The following PSMD12 variants were observed in gnomAD, a reference collection of about 807,000 sequenced individuals.
PSMD12 encodes the protein proteasome 26S subunit, non-ATPase 12.
A neutral mutation model predicts 62.9 loss-of-function variants in PSMD12; 8 were observed. The observed-to-expected ratio is 0.13, with a 90% CI of 0.07 to 0.23. PSMD12 has a LOEUF of 0.23. Among genes scored for constraint, PSMD12 ranks in the 10% least tolerant of loss-of-function variants. The probability of loss-of-function intolerance (pLI) is 1.00; values close to 1 mark genes in which losing one functional copy is unlikely to be tolerated. For synonymous variants in PSMD12, 173 were observed against 187.4 expected, an observed-to-expected ratio of 0.92 and a Z score of 0.63; for missense variants, 424 against 550.2, an observed-to-expected ratio of 0.77 and a Z score of 2.29.
intron 4 of PSMD12, among the ~76,000 whole-genome samples, chr17:67,349,630 C>G (rs1181357834): frequency 6.6e-6 from 1 of 152,172 alleles, no homozygotes; most frequent in South Asian, 2.1e-4. Flanking sequence ...TACTCTAATT[C>G]TGACTTATCT....
intron 8 of PSMD12, among the ~76,000 whole-genome samples, chr17:67,345,326 C>T (rs901851486): frequency 1.1e-4 from 16 of 152,092 alleles, no homozygotes; most frequent in Non-Finnish European, 2.1e-4. Flanking sequence ...CTCTAGTATA[C>T]GCTATCAGTA....
At chr17:67,366,315 T>A (rs1048235369) in intron 1 of PSMD12, 97 bp downstream of exon 1, 8 of 1,175,428 alleles carry the variant, frequency 6.8e-6, no homozygotes, top group Non-Finnish European at 9.6e-6. Context: ...CATTGGGGGG[T>A]GCACGCTCCA....
chr17:67,339,440 G>A lies in PSMD12; in HGVS notation c.*1403C>T, dbSNP rs2041890298. On this transcript the variant is annotated 3_prime_UTR_variant, in exon 11 of 11. Transcript: ENST00000356126. The stretch of plus-strand genomic sequence containing the variant: ...AAAAAGATAAGTGATAGCAGATGTT[G>A]ATGTTATTAGTGTGACCAATGCATT... 6.6e-6 allele frequency: 1 copy of A among 152,170 alleles called. No homozygotes were observed. Among genetic ancestry groups the A allele is most frequent in the Non-Finnish European group, 1.5e-5 (1 of 68,030 alleles). 9.4% of individuals were successfully genotyped at this position (152,170 alleles called of 1,614,324 possible). A position where few individuals can be genotyped will look rare whatever the true frequency, so the allele number is the denominator to read the frequency against.
intron 4 of PSMD12, among the ~76,000 whole-genome samples, chr17:67,349,089 G>A (rs867112034): frequency 1.3e-5 from 2 of 152,148 alleles, no homozygotes; most frequent in Admixed American, 6.5e-5. Flanking sequence ...GCGTGATCTC[G>A]GCTCACCACA....
At chr17:67,358,126 T>A (rs967447858) in intron 1 of PSMD12, among the ~76,000 whole-genome samples, 6 of 152,156 alleles carry the variant, frequency 3.9e-5, no homozygotes, top group Admixed American at 3.9e-4. Context: ...TTTCACCATG[T>A]TGGCCAGGCT....
intron 3 of PSMD12, among the ~76,000 whole-genome samples, chr17:67,354,253 G>A (rs1355433496): frequency 6.6e-6 from 1 of 152,140 alleles, no homozygotes; most frequent in Non-Finnish European, 1.5e-5. Flanking sequence ...TCTACAAAAA[G>A]TACAAAAATT....
chr17:67,365,173 A>C (rs1254142215), intron 1 of PSMD12, among the ~76,000 whole-genome samples: 1 of 151,240 alleles, frequency 6.6e-6, no homozygotes, highest in East Asian at 1.9e-4. Context: ...GAAAAAAGTG[A>C]AACTCCGTCT....
chr17:67,361,920 AAGGGAGGG>A (rs1170715145), intron 1 of PSMD12, among the ~76,000 whole-genome samples: 57 of 116,298 alleles, frequency 4.9e-4, no homozygotes, highest in African/African-American at 1.6e-3. Flanking sequence ...GGAAGGAAGG[AAGGGAGGG>A]AGGGAGGGAG....
intron 4 of PSMD12, among the ~76,000 whole-genome samples, chr17:67,349,381 G>A (rs773814240): frequency 1.3e-4 from 20 of 152,232 alleles, no homozygotes; most frequent in South Asian, 2.1e-4. Flanking sequence ...CACTTTATCC[G>A]CCATGTACAA....
At position 67,340,731 on chromosome 17, in the gene PSMD12, T is replaced by A; in HGVS notation, c.*112A>T. The A allele has an allele frequency of 1.2e-6, 1 of 802,570 alleles. No homozygotes were observed. 49.7% of individuals were successfully genotyped at this position (802,570 alleles called of 1,614,324 possible). ...AGGGAGTCTCAAACATATTCACTATTTTAAAATTTAAGACAAAGAAGCTTA... is the reference window on the plus strand; with the variant it reads ...AGGGAGTCTCAAACATATTCACTATATTAAAATTTAAGACAAAGAAGCTTA... On this transcript the variant is annotated 3_prime_UTR_variant, in exon 11 of 11. Transcript: ENST00000356126.
At chr17:67,342,101 A>T (rs1027521927) in intron 10 of PSMD12, 85 bp downstream of exon 10, 9 of 1,044,012 alleles carry the variant, frequency 8.6e-6, no homozygotes, top group Admixed American at 2.1e-5. Flanking sequence ...AAATTAAATC[A>T]TAACATTGAT....
At chr17:67,348,519 GT>G in intron 5 of PSMD12, 30 bp downstream of exon 5, 1 of 1,567,578 alleles carries the variant, frequency 6.4e-7, no homozygotes, top group Non-Finnish European at 8.8e-7. Flanking sequence ...ACAAAACAAA[GT>G]TTTACCAACT....
rs2041874437 is a variant in PSMD12 at position 67,337,945 on chromosome 17, A to G, written c.*2898T>C. ...CTTTTAAAGTATGAGTTTATTCTCC[A>G]GGTTTTCTTAAATACCCACAAATTA... On this transcript the variant is annotated 3_prime_UTR_variant, in exon 11 of 11. Transcript: ENST00000356126. 6.6e-6 allele frequency: 1 copy of G among 152,244 alleles called. No individual in the cohort carries two copies. Among genetic ancestry groups the G allele is most frequent in the Admixed American group, 6.5e-5 (1 of 15,286 alleles). 9.4% of individuals were successfully genotyped at this position (152,244 alleles called of 1,614,324 possible).
rs1036956651 is a variant in PSMD12, at chr17:67,338,155, T to A, written c.*2688A>T. Reference sequence around the variant, plus strand: ...CTATTGAACTCTAAAATAAAAAAATTATATGGAAATAAAAGGTATTTCATT... The same window carrying A: ...CTATTGAACTCTAAAATAAAAAAATAATATGGAAATAAAAGGTATTTCATT... On this transcript the variant is annotated 3_prime_UTR_variant, in exon 11 of 11. Coordinates refer to ENST00000356126, the MANE Select transcript of PSMD12 (RefSeq NM_002816.5). The A allele has an allele frequency of 3.9e-5, 6 of 152,154 alleles. No individual in the cohort carries two copies. The highest frequency in any genetic ancestry group is 8.8e-5 in the Non-Finnish European group (6 of 68,020). 9.4% of individuals were successfully genotyped at this position (152,154 alleles called of 1,614,324 possible). A position where few individuals can be genotyped will look rare whatever the true frequency, so the allele number is the denominator to read the frequency against.
chr17:67,340,887 T>C lies in PSMD12; in HGVS notation c.1327A>G (p.Thr443Ala), dbSNP rs1172825287. The change falls in exon 11 of 11, where the codon ACG (threonine) becomes GCG (alanine). Residue 443 changes from threonine (T) to alanine (A), a missense_variant. Physicochemically the swap from Thr to Ala is moderately conservative, Grantham distance 58. Transcript: ENST00000356126. ...NSLMSLVNKT[T>A]HLIAKEEMIH... Reference sequence around the variant, plus strand: ...ATCTCCTCTTTGGCTATGAGATGCGTAGTTTTGTTAACCAGAGACATTAAT... The same window carrying C: ...ATCTCCTCTTTGGCTATGAGATGCGCAGTTTTGTTAACCAGAGACATTAAT... 6.3e-7 allele frequency: 1 copy of C among 1,596,374 alleles called. No individual in the cohort carries two copies. The highest frequency in any genetic ancestry group is 8.5e-7 in the Non-Finnish European group (1 of 1,174,860).
Position 67,357,593 on chromosome 17 carries a change from G to T in PSMD12, c.109-15C>A. ...AGTCTTCCTTCCTAAAACAAAAGAT[G>T]AAAATGAACAATAAAAAAACACACA... On this transcript the variant is annotated splice_polypyrimidine_tract_variant and intron_variant, in intron 1 of 10. Transcript: ENST00000356126. 1.2e-6 allele frequency: 2 copies of T among 1,606,550 alleles called. No homozygotes were observed. Among genetic ancestry groups the T allele is most frequent in the South Asian group, 1.1e-5 (1 of 90,736 alleles).
At chr17:67,344,521 G>T in intron 9 of PSMD12, 85 bp downstream of exon 9, 2 of 1,187,834 alleles carry the variant, frequency 1.7e-6, no homozygotes, top group Non-Finnish European at 2.3e-6. Flanking sequence ...AATAGTTTAT[G>T]CTCAAAATTG....
At chr17:67,347,513 TATA>T in intron 5 of PSMD12, 28 bp from the exon 6 acceptor site, 2 of 1,571,124 alleles carry the variant, frequency 1.3e-6, no homozygotes, top group Non-Finnish European at 8.6e-7. Context: ...CAAATAAGTT[TATA>T]ATACTTTGCA....
In PSMD12 at chr17:67,350,301, A is replaced by G. The variant is rs140191153; in HGVS notation, c.333T>C (p.Tyr111=). 3.6e-4 allele frequency: 577 copies of G among 1,613,288 alleles called. 1 individual carries two copies. The highest frequency in any genetic ancestry group is 4.6e-4 in the Non-Finnish European group (539 of 1,179,722). Residue 111 remains tyrosine, a synonymous_variant, in exon 4 of 11, where the codon TAT becomes TAC. Transcript: ENST00000356126. ...VAKMVQQCCT[Y]VEEITDLPIK... is the part of the protein sequence containing the mutation. ...TAGGAAGGTCTGTGATTTCCTCAAC[A>G]TAAGTACAGCACTGTTGAACCATTT... is the stretch of plus-strand genomic sequence containing the variant.
Sources: allele counts gnomAD v4.1 joint callset (sites outside exome capture counted in the v4.1 genomes callset), GRCh38; gene constraint gnomAD v4.1.1; transcripts MANE v1.5; gene names NCBI Gene and HGNC (gene_info 2026-07-23, HGNC 2026-07-21).